SPAG16: variants seen among roughly 807,000 people sequenced by gnomAD.
SPAG16 encodes sperm-associated antigen 16 protein.
Under a neutral mutation model 80.4 loss-of-function variants are expected in SPAG16, and 86 were observed. The ratio of observed to expected loss-of-function variants is 1.07; its 90% CI spans 0.90 to 1.28. The LOEUF (loss-of-function observed/expected upper bound fraction) is 1.28. SPAG16 is among the 50% of genes most tolerant of loss of function. The pLI is 0.00. For synonymous variants in SPAG16, 294 were observed against 265.9 expected, an observed-to-expected ratio of 1.11 and a Z score of -1.03; for missense variants, 870 against 765.3, an observed-to-expected ratio of 1.14 and a Z score of -1.61.
chr2:213,482,354 A>G (rs965167618), intron 9 of SPAG16, among the ~76,000 whole-genome samples: 1 of 152,216 alleles, frequency 6.6e-6, no homozygotes, highest in African/African-American at 2.4e-5. Context: ...CAGAACTGAC[A>G]TTTGTAAATA....
chr2:214,035,510 G>A (rs2048650073), intron 13 of SPAG16, among the ~76,000 whole-genome samples: 1 of 152,230 alleles, frequency 6.6e-6, no homozygotes, highest in African/African-American at 2.4e-5. Context: ...TGAGGCAACA[G>A]GGGACTGGCA....
chr2:214,287,868 A>C (rs1693477955), intron 15 of SPAG16, among the ~76,000 whole-genome samples: 1 of 152,226 alleles, frequency 6.6e-6, no homozygotes. Flanking sequence ...TGACCAAGTC[A>C]GGTGATTTTG....
At chr2:213,703,304 G>C (rs1191429583) in intron 10 of SPAG16, among the ~76,000 whole-genome samples, 1 of 152,156 alleles carries the variant, frequency 6.6e-6, no homozygotes, top group African/African-American at 2.4e-5. Context: ...TTAGGAACTT[G>C]GCTGTCCTGT....
intron 10 of SPAG16, among the ~76,000 whole-genome samples, chr2:213,792,381 G>T (rs1459541030): frequency 6.6e-6 from 1 of 152,002 alleles, no homozygotes; most frequent in African/African-American, 2.4e-5. Context: ...TGTTTTAACA[G>T]CCCTAAAGTG....
At chr2:214,356,626 C>G (rs2126061512) in intron 15 of SPAG16, among the ~76,000 whole-genome samples, 1 of 152,034 alleles carries the variant, frequency 6.6e-6, no homozygotes, top group African/African-American at 2.4e-5. Flanking sequence ...TTTGCTTCTT[C>G]TAGCAGTTAC....
chr2:214,108,056 G>A (rs2125403672), intron 13 of SPAG16, 140 bp from the exon 14 acceptor site: 2 of 611,208 alleles, frequency 3.3e-6, no homozygotes, highest in East Asian at 2.8e-5. Context: ...GATAGCAAAA[G>A]CTAGAATTTT....
chr2:213,997,617 A>G (rs1432183010), intron 12 of SPAG16, among the ~76,000 whole-genome samples: 1 of 152,212 alleles, frequency 6.6e-6, no homozygotes, highest in Non-Finnish European at 1.5e-5. Context: ...CAAACATTAA[A>G]AAATACTCTT....
chr2:213,343,797 A>G (rs972908345), intron 6 of SPAG16, among the ~76,000 whole-genome samples: 2 of 152,150 alleles, frequency 1.3e-5, no homozygotes, highest in African/African-American at 4.8e-5. Flanking sequence ...ACTGGTGCAC[A>G]AAGAGAAAAA....
At position 213,623,083 on chromosome 2, in the gene SPAG16, C is replaced by T. The variant is rs2061842345; in HGVS notation, c.1070+132993C>T. On this transcript the variant is annotated intron_variant, in intron 10 of 15. Coordinates refer to ENST00000331683, the MANE Select transcript of SPAG16 (RefSeq NM_024532.5). ...CCTCCATTTGCTAGGTGTAGATATT[C>T]ATATTTGGAAATCTTTGTATCCTCT... is the stretch of plus-strand genomic sequence containing the variant. 1.3e-5 allele frequency among the ~76,000 whole-genome samples: 2 copies of T among 151,856 alleles called. 1 individual carries two copies. Among genetic ancestry groups the T allele is most frequent in the Admixed American group, 1.3e-4 (2 of 15,240 alleles).
chr2:213,284,470 C>T lies in SPAG16; in HGVS notation c.-14C>T. 1 of 1,557,180 alleles carries T rather than the reference C, an allele frequency of 6.4e-7. No individual in the cohort carries two copies. The highest frequency in any genetic ancestry group is 2.4e-5 in the East Asian group (1 of 41,736). ...CTGTGGGCCTGCTGGGGGTGGGGGC[C>T]CGAAGCGCCAGAGATGGCTGCTCAG... On this transcript the variant is annotated 5_prime_UTR_variant, in exon 1 of 16. Coordinates refer to ENST00000331683, the MANE Select transcript of SPAG16 (RefSeq NM_024532.5).
chr2:213,885,705 A>G (rs781371336), intron 11 of SPAG16, among the ~76,000 whole-genome samples: 16 of 152,226 alleles, frequency 1.1e-4, no homozygotes, highest in Non-Finnish European at 2.1e-4. Context: ...AGGAAGGAGT[A>G]TTCCTTGGTA....
chr2:213,938,873 T>C (rs1362972958), intron 12 of SPAG16, among the ~76,000 whole-genome samples: 1 of 151,706 alleles, frequency 6.6e-6, no homozygotes, highest in African/African-American at 2.4e-5. Flanking sequence ...GGTTTTTTTT[T>C]CTCTTAAAGG....
chr2:214,049,643 C>T lies in SPAG16; in HGVS notation c.1527+35566C>T, dbSNP rs748182026. Among the ~76,000 whole-genome samples, 13 of 152,282 alleles carry T rather than the reference C, an allele frequency of 8.5e-5. 1 individual carries two copies. The highest frequency in any genetic ancestry group is 3.4e-3 in the Middle Eastern group (1 of 294). Reference sequence around the variant, plus strand: ...ATTTTTCTAATGTGTCTCAAAATCACATTTGTGGTTGTGCATTCAGTGGGC... The same window carrying T: ...ATTTTTCTAATGTGTCTCAAAATCATATTTGTGGTTGTGCATTCAGTGGGC... On this transcript the variant is annotated intron_variant, in intron 13 of 15. Coordinates refer to ENST00000331683, the MANE Select transcript of SPAG16 (RefSeq NM_024532.5).
At chr2:213,795,039 A>G (rs1264443813) in intron 10 of SPAG16, among the ~76,000 whole-genome samples, 3 of 152,140 alleles carry the variant, frequency 2.0e-5, no homozygotes, top group Non-Finnish European at 4.4e-5. Context: ...TCTGAAGATA[A>G]TTGAGCCGAT....
intron 15 of SPAG16, among the ~76,000 whole-genome samples, chr2:214,200,641 C>T (rs1202648323): frequency 6.6e-6 from 1 of 152,030 alleles, no homozygotes; most frequent in Admixed American, 6.6e-5. Context: ...CCACTTCACT[C>T]CTGCCTGGGA....
intron 11 of SPAG16, among the ~76,000 whole-genome samples, chr2:213,876,866 A>G (rs1313635173): frequency 6.6e-6 from 1 of 152,210 alleles, no homozygotes; most frequent in Non-Finnish European, 1.5e-5. Context: ...GAACTTGACG[A>G]CAGGCTTTAA....
chr2:213,347,970 A>C (rs1010605881), intron 6 of SPAG16, among the ~76,000 whole-genome samples: 9 of 152,040 alleles, frequency 5.9e-5, no homozygotes, highest in Non-Finnish European at 4.4e-5. Flanking sequence ...TGATCTGTCT[A>C]ATGTTGACAG....
At chr2:213,989,503 A>T (rs2046176746) in intron 12 of SPAG16, among the ~76,000 whole-genome samples, 3 of 152,072 alleles carry the variant, frequency 2.0e-5, no homozygotes, top group African/African-American at 7.2e-5. Context: ...AATTTGATCA[A>T]TCCATTTGAG....
At chr2:213,471,497 CCAACATCTGTCTCT>C (rs2073075714) in intron 9 of SPAG16, among the ~76,000 whole-genome samples, 2 of 152,146 alleles carry the variant, frequency 1.3e-5, no homozygotes, top group South Asian at 4.1e-4. Flanking sequence ...CAGTAACAGA[CCAACATCTGTCTCT>C]CAAAAGGAGA....
Sources: gnomAD v4.1 joint callset for allele counts (sites outside exome capture counted in the v4.1 genomes callset) on GRCh38, gnomAD v4.1.1 for gene constraint, MANE v1.5 for transcripts, NCBI Gene and HGNC (gene_info 2026-07-23, HGNC 2026-07-21) for gene names.